RTKN2: variants seen among roughly 807,000 people sequenced by gnomAD.
RTKN2 encodes rhotekin 2.
A neutral mutation model predicts 71.5 loss-of-function variants in RTKN2; 69 were observed. That is an observed-to-expected ratio of 0.96 (90% CI 0.79 to 1.18). The LOEUF (loss-of-function observed/expected upper bound fraction) is 1.18. RTKN2 is among the 50% of genes most tolerant of loss of function. The pLI, the probability that RTKN2 is intolerant of heterozygous loss-of-function variation, is 0.00. For missense variants in RTKN2, 724 were observed against 719.7 expected, an observed-to-expected ratio of 1.01 and a Z score of -0.07; for synonymous variants, 236 against 236.5, an observed-to-expected ratio of 1.00 and a Z score of 0.02.
intron 2 of RTKN2, among the ~76,000 whole-genome samples, chr10:62,251,751 C>T (rs1842585503): frequency 6.6e-6 from 1 of 151,628 alleles, no homozygotes; most frequent in South Asian, 2.1e-4. Context: ...AAATTTGAGA[C>T]TAGTAAAGAA....
intron 7 of RTKN2, among the ~76,000 whole-genome samples, chr10:62,219,800 C>A (rs946108656): frequency 6.6e-6 from 1 of 151,816 alleles, no homozygotes; most frequent in African/African-American, 2.4e-5. Flanking sequence ...AAAAAAAAAT[C>A]TTGACATTCA....
intron 2 of RTKN2, among the ~76,000 whole-genome samples, chr10:62,257,536 C>A (rs1478600979): frequency 6.6e-6 from 1 of 152,142 alleles, no homozygotes; most frequent in African/African-American, 2.4e-5. Context: ...TGTAAGCAAA[C>A]ACACTGGAGA....
intron 6 of RTKN2, among the ~76,000 whole-genome samples, chr10:62,224,721 T>G (rs1206253201): frequency 6.6e-6 from 1 of 152,072 alleles, no homozygotes; most frequent in East Asian, 1.9e-4. Context: ...GGAAGGACTT[T>G]CTGAGGAGTT....
chr10:62,268,702 G>C lies in RTKN2; in HGVS notation c.-92C>G, dbSNP rs1431861957. On this transcript the variant is annotated 5_prime_UTR_variant, in exon 1 of 12. Coordinates refer to ENST00000373789, the MANE Select transcript of RTKN2 (RefSeq NM_145307.4). ...GCAGGAGCCGCAGAGGACGCCAACC[G>C]CCCGGCCGTACCAAGTCCCAGTCGC... The C allele has an allele frequency of 3.7e-6, 5 of 1,341,380 alleles. No individual in the cohort carries two copies. In the African/African-American group the frequency reaches 5.9e-5, roughly 16 times the overall value. 83.1% of individuals were successfully genotyped at this position (1,341,380 alleles called of 1,614,324 possible). A position where few individuals can be genotyped will look rare whatever the true frequency, so the allele number is the denominator to read the frequency against.
rs759505717 is a variant in RTKN2, at chr10:62,239,752, A to G, written c.384T>C (p.Tyr128=). Reference sequence around the variant, plus strand: ...CCATTTTGAATAAACAAAAAATGGCATAGCGTCGTGATCCTGGAGGAAAAA... The same window carrying G: ...CCATTTTGAATAAACAAAAAATGGCGTAGCGTCGTGATCCTGGAGGAAAAA... The part of the protein sequence containing the change: ...HFSNKERSRR[Y]AIFCLFKMGA... The change falls in exon 5 of 12, where the codon TAT becomes TAC. Residue 128 remains tyrosine (Y), a synonymous_variant. Transcript: ENST00000373789. The G allele has an allele frequency of 6.3e-7, 1 of 1,579,734 alleles. No homozygotes were observed. Among genetic ancestry groups the G allele is most frequent in the Non-Finnish European group, 8.7e-7 (1 of 1,155,582 alleles).
At chr10:62,245,435 T>G (rs1160222501) in intron 3 of RTKN2, among the ~76,000 whole-genome samples, 2 of 152,028 alleles carry the variant, frequency 1.3e-5, no homozygotes, top group African/African-American at 2.4e-5. Flanking sequence ...ATAGAAGATA[T>G]GACTAGAAAA....
intron 8 of RTKN2, among the ~76,000 whole-genome samples, chr10:62,184,881 T>C (rs530514818): frequency 1.3e-5 from 2 of 152,244 alleles, no homozygotes; most frequent in Admixed American, 6.5e-5. Context: ...GAAGAGTAAA[T>C]AGAAGTATAG....
intron 2 of RTKN2, 73 bp downstream of exon 2, chr10:62,262,552 G>A (rs1407723247): frequency 9.5e-7 from 1 of 1,047,600 alleles, no homozygotes; most frequent in East Asian, 2.4e-5. Context: ...TGGTACTTAA[G>A]CTTAAATTAT....
At chr10:62,238,054 G>C (rs2132986504) in intron 5 of RTKN2, 1 of 151,770 alleles carries the variant, frequency 6.6e-6, no homozygotes, top group South Asian at 2.1e-4. Flanking sequence ...ACTTGCAGAT[G>C]GAAGATCCAT....
At chr10:62,220,996 T>A (rs927918563) in intron 7 of RTKN2, among the ~76,000 whole-genome samples, 6 of 151,840 alleles carry the variant, frequency 4.0e-5, no homozygotes, top group African/African-American at 1.5e-4. Flanking sequence ...AAGTCTGATA[T>A]CAGCATAACT....
At chr10:62,226,336 A>G (rs746397209) in intron 6 of RTKN2, among the ~76,000 whole-genome samples, 1 of 152,222 alleles carries the variant, frequency 6.6e-6, no homozygotes, top group Non-Finnish European at 1.5e-5. Context: ...GCATACACTT[A>G]GTAAGTATGC....
intron 2 of RTKN2, among the ~76,000 whole-genome samples, chr10:62,259,516 T>C (rs552148269): frequency 6.6e-6 from 1 of 152,342 alleles, no homozygotes; most frequent in East Asian, 1.9e-4. Context: ...TCCCTGCTCC[T>C]GAATAATTCA....
intron 11 of RTKN2, among the ~76,000 whole-genome samples, chr10:62,198,809 T>C (rs1319612553): frequency 6.6e-6 from 1 of 152,200 alleles, no homozygotes; most frequent in African/African-American, 2.4e-5. Flanking sequence ...TAAGTATTTA[T>C]GAGATAACAT....
chr10:62,191,151 T>C (rs1841216955), downstream of RTKN2, among the ~76,000 whole-genome samples: 1 of 152,168 alleles, frequency 6.6e-6, no homozygotes, highest in Non-Finnish European at 1.5e-5. Flanking sequence ...CGTTAGTTTT[T>C]TGAGGCAGGG....
intron 4 of RTKN2, among the ~76,000 whole-genome samples, chr10:62,240,714 A>G (rs1842356691): frequency 8.7e-5 from 1 of 11,430 alleles, no homozygotes; most frequent in African/African-American, 2.1e-4. Flanking sequence ...TATTGAAGGA[A>G]AAAAAATCAG....
chr10:62,236,120 GA>G lies in RTKN2; in HGVS notation c.631del (p.Ser211GlnfsTer21). The G allele has an allele frequency of 6.2e-7, 1 of 1,612,814 alleles. No homozygotes were observed. The highest frequency in any genetic ancestry group is 1.7e-4 in the Middle Eastern group (1 of 6,002). ...TTCATCATCCTCTTCTTGAAGCACT[GA>G]ACTTATTTTCTTTCCTGTAGCTTTA... Reference protein sequence around the residue: ...ISKATGKKISSVLQEEDDEMC... With the variant: ...ISKATGKKISXVLQEEDDEMC... On this transcript the variant is annotated frameshift_variant, in exon 6 of 12. Coordinates refer to ENST00000373789, the MANE Select transcript of RTKN2 (RefSeq NM_145307.4). LOFTEE classifies it high-confidence loss of function.
At chr10:62,226,782 T>C (rs1384085907) in intron 6 of RTKN2, among the ~76,000 whole-genome samples, 3 of 152,156 alleles carry the variant, frequency 2.0e-5, no homozygotes, top group African/African-American at 7.2e-5. Flanking sequence ...AGTTGAAGTA[T>C]TAAAGAAAAC....
At chr10:62,239,988 A>G (rs1842340357) in intron 4 of RTKN2, among the ~76,000 whole-genome samples, 1 of 152,120 alleles carries the variant, frequency 6.6e-6, no homozygotes, top group South Asian at 2.1e-4. Context: ...AGTTAAATAT[A>G]CAGGCCTCTC....
Position 62,239,779 on chromosome 10 carries a change from A to G in RTKN2, c.371-14T>C. On this transcript the variant is annotated splice_polypyrimidine_tract_variant and intron_variant, in intron 4 of 11. Coordinates refer to ENST00000373789, the MANE Select transcript of RTKN2 (RefSeq NM_145307.4). ...AGCGTCGTGATCCTGGAGGAAAAATAACAACATATTAAGCAACAATCCATG... is the reference window on the plus strand; with the variant it reads ...AGCGTCGTGATCCTGGAGGAAAAATGACAACATATTAAGCAACAATCCATG... The G allele has an allele frequency of 7.9e-7, 1 of 1,263,700 alleles. No homozygotes were observed. Among genetic ancestry groups the G allele is most frequent in the Non-Finnish European group, 1.1e-6 (1 of 872,356 alleles). 78.3% of individuals were successfully genotyped at this position (1,263,700 alleles called of 1,614,324 possible).
Sources: allele counts gnomAD v4.1 joint callset (sites outside exome capture counted in the v4.1 genomes callset), GRCh38; gene constraint gnomAD v4.1.1; transcripts MANE v1.5; gene names NCBI Gene and HGNC (gene_info 2026-07-23, HGNC 2026-07-21).